NELL1: variants seen among roughly 807,000 people sequenced by gnomAD.
NELL1 encodes protein kinase C-binding protein NELL1.
Under a neutral mutation model 107.4 loss-of-function variants are expected in NELL1, and 76 were observed. That is an observed-to-expected ratio of 0.71 (90% CI 0.59 to 0.86). The LOEUF (loss-of-function observed/expected upper bound fraction) is 0.86. Ranked by LOEUF, NELL1 falls within the 40% of genes least tolerant of loss-of-function variation. The pLI is 0.00. For synonymous variants in NELL1, 353 were observed against 341.2 expected (o/e 1.03, Z -0.38); for missense variants, 1,024 against 1,005.5 (o/e 1.02, Z -0.25).
intron 2 of NELL1, among the ~76,000 whole-genome samples, chr11:20,766,740 ATT>A (rs202218877): frequency 1.9e-4 from 26 of 139,610 alleles, no homozygotes; most frequent in African/African-American, 2.1e-4. Flanking sequence ...CTATTGACAT[ATT>A]TTTTTTTTTT....
chr11:21,436,768 C>A (rs1293948153), intron 15 of NELL1, among the ~76,000 whole-genome samples: 1 of 151,958 alleles, frequency 6.6e-6, no homozygotes, highest in African/African-American at 2.4e-5. Flanking sequence ...ACAGTTATTG[C>A]TATTAGTGCT....
chr11:20,749,952 G>A (rs918690585), intron 2 of NELL1, among the ~76,000 whole-genome samples: 1 of 151,878 alleles, frequency 6.6e-6, no homozygotes, highest in Admixed American at 6.6e-5. Context: ...TATTTATTTT[G>A]GGTAAATATT....
chr11:20,831,945 C>T (rs1003425743), intron 3 of NELL1, among the ~76,000 whole-genome samples: 17 of 152,176 alleles, frequency 1.1e-4, no homozygotes, highest in Admixed American at 1.1e-3. Flanking sequence ...ATGAATTCAC[C>T]TGATCCAGGT....
At chr11:21,106,147 A>G (rs941449638) in intron 12 of NELL1, among the ~76,000 whole-genome samples, 18 of 151,666 alleles carry the variant, frequency 1.2e-4, no homozygotes, top group Non-Finnish European at 2.5e-4. Context: ...TAATGCTAAG[A>G]TTTTCACCTT....
At chr11:21,380,614 T>C (rs1271365680) in intron 15 of NELL1, among the ~76,000 whole-genome samples, 1 of 151,980 alleles carries the variant, frequency 6.6e-6, no homozygotes, top group Non-Finnish European at 1.5e-5. Context: ...GGATGAAAAA[T>C]GGGGTTGACA....
chr11:20,992,709 ATTTT>A lies in NELL1; in HGVS notation c.1300+32168_1300+32171del, dbSNP rs56048576. ...TGCTACTTCCCTAGGCAAAAGTGGC[ATTTT>A]TTTTTTTTTTTTTTTTTTGAAACAG... is the stretch of plus-strand genomic sequence containing the variant. On this transcript the variant is annotated intron_variant, in intron 12 of 19. Coordinates refer to ENST00000357134, the MANE Select transcript of NELL1 (RefSeq NM_006157.5). 5.2e-3 allele frequency among the ~76,000 whole-genome samples: 599 copies of A among 114,486 alleles called. 3 individuals carry two copies. Among genetic ancestry groups the A allele is most frequent in the African/African-American group, 0.018 (561 of 30,506 alleles). The allele number at this position is 114,486 out of a possible 152,430, so 75.1% of individuals were successfully genotyped here. A position where few individuals can be genotyped will look rare whatever the true frequency, so the allele number is the denominator to read the frequency against.
intron 13 of NELL1, among the ~76,000 whole-genome samples, chr11:21,150,753 G>C (rs1345989606): frequency 2.6e-5 from 4 of 152,136 alleles, no homozygotes; most frequent in Admixed American, 2.6e-4. Context: ...GTGAGACCCA[G>C]AATTAGGTAT....
chr11:21,381,239 A>C lies in NELL1; in HGVS notation c.1645+10291A>C, dbSNP rs371302700. Among the ~76,000 whole-genome samples the C allele has an allele frequency of 6.6e-5, 10 of 152,080 alleles. No homozygotes were observed. The East Asian group carries it at 1.4e-3, about 21-fold the overall frequency. On this transcript the variant is annotated intron_variant, in intron 15 of 19. Coordinates refer to ENST00000357134, the MANE Select transcript of NELL1 (RefSeq NM_006157.5). ...CATAATCTCTTATTTGATCATTTGC[A>C]TTGTTTTACATATTCCTTTCAACAT...
At chr11:21,199,969 C>T (rs192277965) in intron 13 of NELL1, among the ~76,000 whole-genome samples, 255 of 152,250 alleles carry the variant, frequency 1.7e-3, no homozygotes, top group Non-Finnish European at 2.7e-3. Context: ...CTGCAAATGA[C>T]GTGAACCCAT....
At chr11:21,253,086 C>T (rs1434411304) in intron 14 of NELL1, among the ~76,000 whole-genome samples, 1 of 151,886 alleles carries the variant, frequency 6.6e-6, no homozygotes, top group African/African-American at 2.4e-5. Flanking sequence ...TGGAAAACAC[C>T]TCATTTGTAG....
At chr11:21,551,746 A>T (rs1427534816) in intron 16 of NELL1, among the ~76,000 whole-genome samples, 1 of 151,376 alleles carries the variant, frequency 6.6e-6, no homozygotes, top group African/African-American at 2.4e-5. Context: ...TCAGGGATCT[A>T]GAACTAGAAA....
rs538666348 is a variant in NELL1, at chr11:21,069,763, G to C, written c.1301-43826G>C. ...GTAGGGTGGGAATCACTGATTAAGG[G>C]CCGGTGGTGTAGACTAGAAAAATAT... On this transcript the variant is annotated intron_variant, in intron 12 of 19. Coordinates refer to ENST00000357134, the MANE Select transcript of NELL1 (RefSeq NM_006157.5). Among the ~76,000 whole-genome samples, 10 of 152,258 alleles carry C rather than the reference G, an allele frequency of 6.6e-5. No individual in the cohort carries two copies. The South Asian group carries it at 2.1e-3, about 32-fold the overall frequency.
chr11:20,672,257 A>G (rs937292964), intron 1 of NELL1, among the ~76,000 whole-genome samples: 9 of 152,168 alleles, frequency 5.9e-5, no homozygotes, highest in Non-Finnish European at 1.2e-4. Context: ...CTGGCTTGTG[A>G]TTATCAGCAT....
At chr11:21,495,564 ACTTT>A (rs1158243365) in intron 15 of NELL1, among the ~76,000 whole-genome samples, 1 of 152,060 alleles carries the variant, frequency 6.6e-6, no homozygotes, top group Non-Finnish European at 1.5e-5. Context: ...TCTATTTTTA[ACTTT>A]CTAAGAAACT....
At chr11:20,977,424 C>G (rs941724720) in intron 12 of NELL1, among the ~76,000 whole-genome samples, 1 of 151,990 alleles carries the variant, frequency 6.6e-6, no homozygotes, top group African/African-American at 2.4e-5. Flanking sequence ...GCCACCACGC[C>G]CTGCTAATTT....
At chr11:21,073,310 C>T (rs1006263738) in intron 12 of NELL1, among the ~76,000 whole-genome samples, 14 of 151,990 alleles carry the variant, frequency 9.2e-5, no homozygotes, top group African/African-American at 3.1e-4. Context: ...AGAGGGTACA[C>T]GTTCCAGGAT....
chr11:20,936,893 A>G (rs558004020), intron 9 of NELL1, among the ~76,000 whole-genome samples: 2 of 152,276 alleles, frequency 1.3e-5, no homozygotes, highest in African/African-American at 4.8e-5. Flanking sequence ...TAAGACCAAC[A>G]CCGAATTAGT....
chr11:21,513,626 A>G (rs1031304338), intron 15 of NELL1, among the ~76,000 whole-genome samples: 1 of 152,326 alleles, frequency 6.6e-6, no homozygotes, highest in Non-Finnish European at 1.5e-5. Flanking sequence ...ACTAAGCTAA[A>G]ATAGAATGAA....
intron 12 of NELL1, among the ~76,000 whole-genome samples, chr11:21,004,880 C>CT: frequency 6.6e-6 from 1 of 152,204 alleles, no homozygotes; most frequent in South Asian, 2.1e-4. Flanking sequence ...ACCTCAAAGC[C>CT]TAGGAACCAT....
Sources: allele counts gnomAD v4.1 joint callset (sites outside exome capture counted in the v4.1 genomes callset), GRCh38; gene constraint gnomAD v4.1.1; transcripts MANE v1.5; gene names NCBI Gene and HGNC (gene_info 2026-07-23, HGNC 2026-07-21).